RALGAPA2: variants seen among roughly 807,000 people sequenced by gnomAD.
RALGAPA2 encodes Ral GTPase activating protein catalytic subunit alpha 2, also known as ral GTPase-activating protein subunit alpha-2.
In RALGAPA2, 139 loss-of-function variants were observed where a neutral mutation model predicts 230.4. The ratio of observed to expected loss-of-function variants is 0.60; its 90% confidence interval spans 0.53 to 0.69. RALGAPA2 has a LOEUF of 0.69. Among genes scored for constraint, RALGAPA2 ranks in the 30% least tolerant of loss-of-function variants. The pLI is 0.00. For synonymous variants in RALGAPA2, 847 were observed against 837.8 expected (o/e 1.01, Z -0.19); for missense variants, 2,163 against 2,276.0 (o/e 0.95, Z 1.01).
intron 23 of RALGAPA2, among the ~76,000 whole-genome samples, chr20:20,558,924 T>C (rs2064170255): frequency 1.3e-5 from 2 of 152,074 alleles, no homozygotes; most frequent in Admixed American, 1.3e-4. Flanking sequence ...GCTCTCAGGT[T>C]TGGGTGAAAA....
rs1240067943 is a variant in RALGAPA2 at position 20,573,020 on chromosome 20, C to A, written c.2756G>T (p.Ser919Ile). The A allele has an allele frequency of 3.1e-6, 5 of 1,610,508 alleles. No homozygotes were observed. The highest frequency in any genetic ancestry group is 4.2e-6 in the Non-Finnish European group (5 of 1,178,512). The change falls in exon 21 of 40, where the codon AGC (serine) becomes ATC (isoleucine). Residue 919 changes from serine to isoleucine, a missense_variant. Coordinates refer to ENST00000202677, the MANE Select transcript of RALGAPA2 (RefSeq NM_020343.4). ...TDDCSIIAGG[S>I]LTGWHPDSAA... Reference sequence around the variant, plus strand: ...AGAGTCTGGGTGCCAACCAGTGAGGCTCCCCCCGGCGATTATACTACAGTC... The same window carrying A: ...AGAGTCTGGGTGCCAACCAGTGAGGATCCCCCCGGCGATTATACTACAGTC...
chr20:20,419,153 A>G (rs967621654), intron 37 of RALGAPA2, among the ~76,000 whole-genome samples: 4 of 152,198 alleles, frequency 2.6e-5, no homozygotes, highest in Non-Finnish European at 4.4e-5. Flanking sequence ...TGGGGTGTGG[A>G]GGGGTTGTAC....
chr20:20,619,376 A>T lies in RALGAPA2; in HGVS notation c.1440T>A (p.Ser480Arg), dbSNP rs370745690. 1 of 1,609,066 alleles carries T rather than the reference A, an allele frequency of 6.2e-7. No individual in the cohort carries two copies. Among genetic ancestry groups the T allele is most frequent in the South Asian group, 1.1e-5 (1 of 90,192 alleles). Residue 480 changes from serine to arginine, a missense_variant, in exon 12 of 40, where the codon AGT becomes AGA. Coordinates refer to ENST00000202677, the MANE Select transcript of RALGAPA2 (RefSeq NM_020343.4). ...SESSGHKRSS[S>R]WGRTYSFTSA... ...TTGTGAAGGAGTATGTGCGTCCCCA[A>T]CTGGAAGATCGTTTATGACCAGAAC...
chr20:20,546,158 A>G (rs2063769708), intron 24 of RALGAPA2, among the ~76,000 whole-genome samples: 1 of 152,212 alleles, frequency 6.6e-6, no homozygotes, highest in Non-Finnish European at 1.5e-5. Flanking sequence ...ATTTTTTTGT[A>G]GCCCTTACTG....
intron 37 of RALGAPA2, 34 bp from the exon 38 acceptor site, chr20:20,412,182 G>C: frequency 6.2e-7 from 1 of 1,611,540 alleles, no homozygotes; most frequent in Non-Finnish European, 8.5e-7. Flanking sequence ...AAGTGCACGT[G>C]CAAAGTGGCA....
intron 35 of RALGAPA2, among the ~76,000 whole-genome samples, chr20:20,497,126 A>G (rs1041653787): frequency 6.6e-6 from 1 of 152,230 alleles, no homozygotes; most frequent in African/African-American, 2.4e-5. Flanking sequence ...CCCCTTACAT[A>G]GTTTTAAACA....
intron 36 of RALGAPA2, among the ~76,000 whole-genome samples, chr20:20,491,055 T>G (rs1454576734): frequency 6.6e-6 from 1 of 150,986 alleles, no homozygotes; most frequent in African/African-American, 2.4e-5. Context: ...CTGTAAGGAC[T>G]ACAGAGAAGC....
Position 20,535,979 on chromosome 20 carries a change from G to A in RALGAPA2, c.3415-176C>T, listed in dbSNP as rs1351942715. Among the ~76,000 whole-genome samples, 4 of 152,194 alleles carry A rather than the reference G, an allele frequency of 2.6e-5. No homozygotes were observed. The East Asian group carries it at 5.8e-4, about 22-fold the overall frequency. On this transcript the variant is annotated intron_variant, in intron 25 of 39. Transcript: ENST00000202677. ...AACACTGGGCTCGGGGGAGCGGGTG[G>A]TAGAAGATGGGGGTCTCCACAGGGC...
intron 1 of RALGAPA2, among the ~76,000 whole-genome samples, chr20:20,681,774 CG>C (rs1238067502): frequency 6.6e-6 from 1 of 152,084 alleles, no homozygotes; most frequent in Non-Finnish European, 1.5e-5. Context: ...GGTAATCGCC[CG>C]AACTCAGGAG....
chr20:20,638,149 C>A (rs1480789160), intron 7 of RALGAPA2, among the ~76,000 whole-genome samples: 1 of 152,200 alleles, frequency 6.6e-6, no homozygotes, highest in Non-Finnish European at 1.5e-5. Flanking sequence ...CAAAACTGCT[C>A]AATAGCTGGG....
At chr20:20,444,314 C>T (rs2060810329) in intron 37 of RALGAPA2, among the ~76,000 whole-genome samples, 1 of 152,220 alleles carries the variant, frequency 6.6e-6, no homozygotes, top group Admixed American at 6.5e-5. Flanking sequence ...GATTAACTAT[C>T]AAGTACTGCT....
intron 37 of RALGAPA2, among the ~76,000 whole-genome samples, chr20:20,419,435 T>C (rs905719207): frequency 2.0e-5 from 3 of 152,130 alleles, no homozygotes; most frequent in African/African-American, 7.2e-5. Context: ...AGAAGTCCAT[T>C]TGACTCAGAC....
chr20:20,611,357 T>A lies in RALGAPA2; in HGVS notation c.1758A>T (p.Ile586=). The A allele has an allele frequency of 6.2e-7, 1 of 1,613,568 alleles. No homozygotes were observed. ...CCAAGCTCTGGGCAAACAAGTCCTT[T>A]ATTTGTTTATCCTTTGGCTTCTGCA... ...AVMQKPKDKQ[I]KDLFAQSLAG... The change falls in exon 14 of 40, where the codon ATA becomes ATT. Residue 586 remains isoleucine, a synonymous_variant. Coordinates refer to ENST00000202677, the MANE Select transcript of RALGAPA2 (RefSeq NM_020343.4).
chr20:20,668,064 T>TA (rs1166887371), intron 3 of RALGAPA2, among the ~76,000 whole-genome samples: 1 of 152,166 alleles, frequency 6.6e-6, no homozygotes, highest in South Asian at 2.1e-4. Context: ...ATGTACAAGA[T>TA]ACTAAGGATT....
At chr20:20,408,793 T>C (rs2059999098) in intron 38 of RALGAPA2, among the ~76,000 whole-genome samples, 1 of 152,184 alleles carries the variant, frequency 6.6e-6, no homozygotes, top group Non-Finnish European at 1.5e-5. Context: ...AAAACATATA[T>C]ATGTTAATTG....
In RALGAPA2 at chr20:20,595,074, A is replaced by T. The variant is rs8114772; in HGVS notation, c.2204-3760T>A. 5.0e-3 allele frequency among the ~76,000 whole-genome samples: 759 copies of T among 152,278 alleles called. 5 individuals are homozygous for T. Among genetic ancestry groups the T allele is most frequent in the African/African-American group, 0.017 (723 of 41,566 alleles). ...AACACCGAAAAATGATCAAATAAGG[A>T]TTACTTAATTTCATTTTTTTCCACT... On this transcript the variant is annotated intron_variant, in intron 16 of 39. Coordinates refer to ENST00000202677, the MANE Select transcript of RALGAPA2 (RefSeq NM_020343.4).
chr20:20,557,165 C>T (rs959539467), intron 23 of RALGAPA2, among the ~76,000 whole-genome samples: 1 of 152,072 alleles, frequency 6.6e-6, no homozygotes, highest in Non-Finnish European at 1.5e-5. Flanking sequence ...CAAAAATTAG[C>T]CGGGCGTGGT....
intron 20 of RALGAPA2, among the ~76,000 whole-genome samples, chr20:20,580,853 C>G (rs2064963729): frequency 2.0e-5 from 3 of 152,164 alleles, no homozygotes; most frequent in Non-Finnish European, 4.4e-5. Context: ...GTTTATTATT[C>G]TAAGCATTTG....
At chr20:20,602,242 A>C (rs1225690978) in intron 15 of RALGAPA2, among the ~76,000 whole-genome samples, 1 of 152,238 alleles carries the variant, frequency 6.6e-6, no homozygotes, top group African/African-American at 2.4e-5. Context: ...TTAGAATAGT[A>C]CTGCATCCTG....
Sources: gnomAD v4.1 joint callset for allele counts (sites outside exome capture counted in the v4.1 genomes callset) on GRCh38, gnomAD v4.1.1 for gene constraint, MANE v1.5 for transcripts, NCBI Gene and HGNC (gene_info 2026-07-23, HGNC 2026-07-21) for gene names.